GMPS: variants seen among roughly 807,000 people sequenced by gnomAD.
The protein encoded by GMPS is guanosine monophosphate synthase, also known as GMP synthase [glutamine-hydrolyzing].
Under a neutral mutation model 77.9 loss-of-function variants are expected in GMPS, and 15 were observed. The observed-to-expected ratio is 0.19, with a 90% CI of 0.13 to 0.30. The LOEUF is 0.30. Among genes scored for constraint, GMPS ranks in the 10% least tolerant of loss-of-function variants. GMPS has a pLI of 1.00. For missense variants in GMPS, 590 were observed against 838.8 expected (o/e 0.70, Z 3.66); for synonymous variants, 224 against 275.9 (o/e 0.81, Z 1.86).
At chr3:155,922,150 C>A (rs1253283866) in intron 10 of GMPS, 37 bp from the exon 11 acceptor site, 2 of 766,250 alleles carry the variant, frequency 2.6e-6, no homozygotes, top group Non-Finnish European at 4.1e-6. Flanking sequence ...AGAAATATAA[C>A]ATTAATGTTA....
At chr3:155,908,302 A>G (rs1224451824) in intron 5 of GMPS, among the ~76,000 whole-genome samples, 1 of 152,160 alleles carries the variant, frequency 6.6e-6, no homozygotes, top group African/African-American at 2.4e-5. Context: ...AGGAGGGAGG[A>G]GCCTGGCCTT....
intron 7 of GMPS, among the ~76,000 whole-genome samples, chr3:155,912,205 A>C (rs1161042178): frequency 6.6e-6 from 1 of 152,240 alleles, no homozygotes; most frequent in Non-Finnish European, 1.5e-5. Flanking sequence ...TGATGTGAAC[A>C]TGAGTCTATT....
intron 1 of GMPS, among the ~76,000 whole-genome samples, chr3:155,877,631 C>A (rs532224869): frequency 4.6e-5 from 7 of 152,090 alleles, no homozygotes; most frequent in Admixed American, 3.3e-4. Context: ...CTGTTGGGGC[C>A]GCTAAAACAA....
chr3:155,892,780 G>A (rs940445742), intron 1 of GMPS, among the ~76,000 whole-genome samples: 7 of 151,992 alleles, frequency 4.6e-5, no homozygotes, highest in Non-Finnish European at 7.4e-5. Context: ...TACAGTGCCC[G>A]CCACCATGCC....
intron 3 of GMPS, among the ~76,000 whole-genome samples, chr3:155,902,339 G>A (rs1754754436): frequency 1.3e-5 from 2 of 152,166 alleles, no homozygotes; most frequent in Non-Finnish European, 2.9e-5. Context: ...TGTAGACCAG[G>A]CATCAGTAAG....
intron 1 of GMPS, among the ~76,000 whole-genome samples, chr3:155,875,843 C>G (rs747932513): frequency 1.3e-5 from 2 of 152,012 alleles, no homozygotes; most frequent in Non-Finnish European, 2.9e-5. Flanking sequence ...TGGACCCTTG[C>G]TATGGCTTCA....
In GMPS at chr3:155,919,291, G is replaced by T; in HGVS notation, c.1271G>T (p.Arg424Ile). ...AAAGATGAAGTGAGAATTTTGGGCA[G>T]AGAACTTGGACTTCCAGAAGAGTTA... is the stretch of plus-strand genomic sequence containing the variant. Reference protein sequence around the residue: ...FHKDEVRILGRELGLPEELVS... With the variant: ...FHKDEVRILGIELGLPEELVS... Residue 424 changes from arginine to isoleucine, a missense_variant, in exon 10 of 16, where the codon AGA (arginine) becomes ATA (isoleucine). By Grantham distance (97) the Arg-to-Ile change is moderately conservative. Around this residue, in one of 6 missense-constraint regions of GMPS, gnomAD observed 64 missense variants for 114.5 expected, o/e 0.56. Transcript: ENST00000496455. 6.3e-7 allele frequency: 1 copy of T among 1,598,126 alleles called. No individual in the cohort carries two copies. Among genetic ancestry groups the T allele is most frequent in the East Asian group, 2.2e-5 (1 of 44,510 alleles).
intron 11 of GMPS, 123 bp downstream of exon 11, chr3:155,922,425 T>C (rs1755342082): frequency 6.1e-6 from 3 of 494,322 alleles, no homozygotes; most frequent in Non-Finnish European, 1.1e-5. Flanking sequence ...ACCTTTGAAA[T>C]GACTGTGGAG....
chr3:155,903,943 T>TGA lies in GMPS; in HGVS notation c.405_406insGA (p.Thr136GlufsTer23). The TGA allele has an allele frequency of 7.0e-7, 1 of 1,434,660 alleles. No individual in the cohort carries two copies. Among genetic ancestry groups the TGA allele is most frequent in the Non-Finnish European group, 9.6e-7 (1 of 1,039,400 alleles). 88.9% of individuals were successfully genotyped at this position (1,434,660 alleles called of 1,614,324 possible). On this transcript the variant is annotated frameshift_variant, in exon 4 of 16. Coordinates refer to ENST00000496455, the MANE Select transcript of GMPS (RefSeq NM_003875.3). LOFTEE classifies it high-confidence loss of function. ...GAGTTTTCAACATTAGTGTGGATAA[T>TGA]ACATGTTCATTATTCAGGTATTACA... is the stretch of plus-strand genomic sequence containing the variant.
chr3:155,894,771 G>C (rs1042177615), intron 2 of GMPS, among the ~76,000 whole-genome samples: 2 of 152,228 alleles, frequency 1.3e-5, no homozygotes, highest in Admixed American at 6.5e-5. Context: ...TGTTTTGTTG[G>C]TTCTGAAGTA....
intron 1 of GMPS, among the ~76,000 whole-genome samples, chr3:155,871,396 C>T (rs999425501): frequency 2.0e-5 from 3 of 152,124 alleles, no homozygotes. Flanking sequence ...CTCTGGTCTT[C>T]CCGCCACCCC....
At chr3:155,901,351 C>T (rs1754732968) in intron 3 of GMPS, among the ~76,000 whole-genome samples, 1 of 152,032 alleles carries the variant, frequency 6.6e-6, no homozygotes, top group South Asian at 2.1e-4. Flanking sequence ...GTAAATTATT[C>T]ATTTTCACTA....
intron 2 of GMPS, among the ~76,000 whole-genome samples, chr3:155,897,180 T>C (rs887317726): frequency 6.6e-6 from 1 of 152,182 alleles, no homozygotes; most frequent in African/African-American, 2.4e-5. Context: ...TTAAAATGTT[T>C]AAGTTTTTTT....
intron 1 of GMPS, 110 bp downstream of exon 1, chr3:155,871,007 C>A: frequency 1.9e-6 from 2 of 1,029,154 alleles, no homozygotes; most frequent in Non-Finnish European, 2.6e-6. Context: ...CCCGTCCGCG[C>A]AGCCCTGCGC....
At chr3:155,929,214 T>C (rs562432332) in intron 12 of GMPS, among the ~76,000 whole-genome samples, 102 of 151,084 alleles carry the variant, frequency 6.8e-4, no homozygotes, top group African/African-American at 2.1e-3. Flanking sequence ...TCCTGACTTT[T>C]TAATGATTGC....
intron 1 of GMPS, among the ~76,000 whole-genome samples, chr3:155,890,139 G>C (rs2108068486): frequency 6.6e-6 from 1 of 152,326 alleles, no homozygotes; most frequent in African/African-American, 2.4e-5. Context: ...TGTGACAGTT[G>C]CTGCATAGGC....
intron 3 of GMPS, among the ~76,000 whole-genome samples, chr3:155,902,956 G>A (rs1754766599): frequency 6.6e-6 from 1 of 152,172 alleles, no homozygotes; most frequent in South Asian, 2.1e-4. Flanking sequence ...ACAGTTTACT[G>A]TGAATGCCTA....
At chr3:155,935,723 T>G (rs950095858) in intron 14 of GMPS, among the ~76,000 whole-genome samples, 5 of 152,180 alleles carry the variant, frequency 3.3e-5, no homozygotes. Flanking sequence ...GTTGGTGATT[T>G]TGCTGTTTAA....
intron 2 of GMPS, among the ~76,000 whole-genome samples, chr3:155,895,154 AC>A (rs1385889286): frequency 6.6e-6 from 1 of 152,202 alleles, no homozygotes; most frequent in Non-Finnish European, 1.5e-5. Context: ...TTCAGCTTGT[AC>A]CTAGAATTTC....
Sources: allele counts gnomAD v4.1 joint callset (sites outside exome capture counted in the v4.1 genomes callset), GRCh38; gene constraint gnomAD v4.1.1; regional missense constraint gnomAD v4.1.1; transcripts MANE v1.5; gene names NCBI Gene and HGNC (gene_info 2026-07-23, HGNC 2026-07-21).